Variants in TNS3 observed in about 807,000 individuals in gnomAD.
TNS3 encodes tensin 3, also known as tensin-3.
Under a neutral mutation model 140.9 loss-of-function variants are expected in TNS3, and 45 were observed. The observed-to-expected ratio is 0.32, with a 90% CI of 0.25 to 0.41. TNS3 has a LOEUF of 0.41. Ranked by LOEUF, TNS3 falls within the 10% of genes least tolerant of loss-of-function variation. The pLI, the probability that TNS3 is intolerant of heterozygous loss-of-function variation, is 1.00. For synonymous variants in TNS3, 815 were observed against 788.4 expected (o/e 1.03, Z -0.56); for missense variants, 1,716 against 1,906.7 (o/e 0.90, Z 1.86).
intron 16 of TNS3, among the ~76,000 whole-genome samples, chr7:47,372,188 C>T (rs1284632686): frequency 6.6e-6 from 1 of 152,216 alleles, no homozygotes; most frequent in African/African-American, 2.4e-5. Flanking sequence ...TGTTGTATGG[C>T]CATCAGCCCA....
At chr7:47,504,666 G>C (rs1488761775) in intron 3 of TNS3, among the ~76,000 whole-genome samples, 1 of 152,218 alleles carries the variant, frequency 6.6e-6, no homozygotes, top group Non-Finnish European at 1.5e-5. Flanking sequence ...TGTGGGAGAA[G>C]CCACAGCCAT....
At position 47,514,487 on chromosome 7, in the gene TNS3, G is replaced by A. The variant is rs192434697; in HGVS notation, c.-152-7543C>T. The stretch of plus-strand genomic sequence containing the variant: ...TTAATAATGTTGGGTTAACTGCGTG[G>A]AACAACCCATTACCAAATCTTTCTT... On this transcript the variant is annotated intron_variant, in intron 2 of 30. Coordinates refer to ENST00000311160, the MANE Select transcript of TNS3 (RefSeq NM_022748.12). Among the ~76,000 whole-genome samples, 651 of 152,216 alleles carry A rather than the reference G, an allele frequency of 4.3e-3. 5 individuals are homozygous for A. The highest frequency in any genetic ancestry group is 0.015 in the African/African-American group (625 of 41,530).
rs1795129105 is a variant in TNS3 at position 47,435,416 on chromosome 7, AAGGGGAGCT to A, written c.202-21_202-13del. The A allele has an allele frequency of 6.2e-7, 1 of 1,612,810 alleles. No individual in the cohort carries two copies. The highest frequency in any genetic ancestry group is 1.1e-5 in the South Asian group (1 of 91,058). On this transcript the variant is annotated splice_polypyrimidine_tract_variant and intron_variant, in intron 7 of 30. Transcript: ENST00000311160. ...CCCACATCCATGATCTGCAACAAGAAAGGGGAGCTTCCTCGGTTTCCATTTCCTAAAACC... is the reference window on the plus strand; with the variant it reads ...CCCACATCCATGATCTGCAACAAGAATCCTCGGTTTCCATTTCCTAAAACC...
chr7:47,574,294 C>T (rs1276887783), intron 1 of TNS3, among the ~76,000 whole-genome samples: 1 of 151,956 alleles, frequency 6.6e-6, no homozygotes, highest in South Asian at 2.1e-4. Context: ...CCATTAATCA[C>T]AGAGTTTACA....
At chr7:47,529,326 C>T (rs997695782) in intron 1 of TNS3, among the ~76,000 whole-genome samples, 179 bp from the exon 2 acceptor site, 2 of 152,210 alleles carry the variant, frequency 1.3e-5, no homozygotes, top group African/African-American at 2.4e-5. Context: ...AGACGACCCA[C>T]GGATACCATG....
Position 47,297,104 on chromosome 7 carries a change from T to A in TNS3, c.3654A>T (p.Ser1218=). 9 of 1,614,168 alleles carry A rather than the reference T, an allele frequency of 5.6e-6. No homozygotes were observed. The highest frequency in any genetic ancestry group is 7.6e-6 in the Non-Finnish European group (9 of 1,180,032). Residue 1218 remains serine, a synonymous_variant, in exon 24 of 31, where the codon TCA becomes TCT. Coordinates refer to ENST00000311160, the MANE Select transcript of TNS3 (RefSeq NM_022748.12). The part of the protein sequence containing the change: ...LAMKVATPPP[S]VLQLNKKAGD... Reference sequence around the variant, plus strand: ...TACCTTTCTTGTTCAGCTGCAGGACTGAAGGTGGGGGCGTGGCCACCTTCA... The same window carrying A: ...TACCTTTCTTGTTCAGCTGCAGGACAGAAGGTGGGGGCGTGGCCACCTTCA...
intron 4 of TNS3, among the ~76,000 whole-genome samples, chr7:47,447,548 G>A (rs562325800): frequency 1.5e-4 from 23 of 152,170 alleles, no homozygotes; most frequent in Admixed American, 6.5e-4. Flanking sequence ...AGGACTGTGC[G>A]CTCATGTCCC....
At chr7:47,470,067 A>G (rs2151735304) in intron 4 of TNS3, among the ~76,000 whole-genome samples, 1 of 152,128 alleles carries the variant, frequency 6.6e-6, no homozygotes, top group Non-Finnish European at 1.5e-5. Context: ...CTTTGCAGCA[A>G]CATAGATGGA....
intron 8 of TNS3, among the ~76,000 whole-genome samples, chr7:47,429,875 C>T (rs1049264406): frequency 2.0e-5 from 3 of 152,198 alleles, no homozygotes; most frequent in Non-Finnish European, 4.4e-5. Context: ...AAGTCAAGAG[C>T]ATGCCTTATA....
chr7:47,401,349 C>T (rs961856723), intron 13 of TNS3, among the ~76,000 whole-genome samples: 14 of 152,198 alleles, frequency 9.2e-5, no homozygotes, highest in Non-Finnish European at 1.6e-4. Flanking sequence ...TCTCAATGCT[C>T]CATGTTGCAA....
intron 1 of TNS3, among the ~76,000 whole-genome samples, chr7:47,554,760 G>C (rs1800152286): frequency 6.6e-6 from 1 of 152,216 alleles, no homozygotes; most frequent in Admixed American, 6.5e-5. Flanking sequence ...GCCGAGCACG[G>C]TGGTTCACAC....
intron 16 of TNS3, among the ~76,000 whole-genome samples, chr7:47,387,886 C>T (rs1263974774): frequency 6.6e-6 from 1 of 152,216 alleles, no homozygotes; most frequent in Non-Finnish European, 1.5e-5. Context: ...TCAGTCCCAG[C>T]CTCGTTCTCT....
intron 17 of TNS3, among the ~76,000 whole-genome samples, chr7:47,365,601 A>C (rs1230322304): frequency 6.6e-6 from 1 of 151,854 alleles, no homozygotes; most frequent in East Asian, 1.9e-4. Flanking sequence ...ATCTCTACTA[A>C]AAATACAAAA....
At chr7:47,287,858 T>C (rs1270827604) in intron 27 of TNS3, among the ~76,000 whole-genome samples, 5 of 152,184 alleles carry the variant, frequency 3.3e-5, no homozygotes, top group Admixed American at 2.6e-4. Flanking sequence ...AACTCCAAGT[T>C]CTGAATGAAG....
chr7:47,408,511 C>G (rs1246242843), intron 13 of TNS3, among the ~76,000 whole-genome samples: 1 of 152,030 alleles, frequency 6.6e-6, no homozygotes, highest in African/African-American at 2.4e-5. Flanking sequence ...CAGTGGCTGC[C>G]CCAAAGACTA....
chr7:47,427,664 G>A lies in TNS3; in HGVS notation c.389+648C>T, dbSNP rs1794728881. Among the ~76,000 whole-genome samples, 4 of 152,176 alleles carry A rather than the reference G, an allele frequency of 2.6e-5. No homozygotes were observed. The East Asian group carries it at 5.8e-4, about 22-fold the overall frequency. On this transcript the variant is annotated intron_variant, in intron 9 of 30. Coordinates refer to ENST00000311160, the MANE Select transcript of TNS3 (RefSeq NM_022748.12). ...GCCCTGCTGTGTTTGTGTCATGTCT[G>A]GCTTAGGGGACCCGAGTGGCACCTC...
chr7:47,397,025 C>T (rs1792875974), intron 15 of TNS3, 121 bp from the exon 16 acceptor site: 1 of 688,010 alleles, frequency 1.5e-6, no homozygotes, highest in Admixed American at 2.3e-5. Context: ...CCTCTCCATC[C>T]TCCACCCTCC....
intron 20 of TNS3, among the ~76,000 whole-genome samples, chr7:47,321,376 T>A (rs1428631178): frequency 2.6e-5 from 4 of 152,328 alleles, no homozygotes; most frequent in African/African-American, 9.6e-5. Flanking sequence ...ACCATGCCAC[T>A]GGCTTCTGGA....
At chr7:47,469,945 G>A in intron 4 of TNS3, among the ~76,000 whole-genome samples, 1 of 126,542 alleles carries the variant, frequency 7.9e-6, no homozygotes, top group Non-Finnish European at 1.6e-5. Context: ...CTGCACTCCA[G>A]CCTGGGCAAC....
Sources: allele counts gnomAD v4.1 joint callset (sites outside exome capture counted in the v4.1 genomes callset), GRCh38; gene constraint gnomAD v4.1.1; transcripts MANE v1.5; gene names NCBI Gene and HGNC (gene_info 2026-07-23, HGNC 2026-07-21).